The following NLK variants were observed in gnomAD, a reference collection of about 807,000 sequenced individuals.
NLK encodes the protein nemo like kinase.
In NLK, 11 loss-of-function variants were observed where a neutral mutation model predicts 59.0. The observed-to-expected ratio is 0.19, with a 90% CI of 0.12 to 0.31. NLK has a LOEUF of 0.31. NLK is among the 10% of genes least tolerant of loss of function. The pLI is 1.00. For synonymous variants in NLK, 235 were observed against 235.9 expected (o/e 1.00, Z 0.03); for missense variants, 410 against 661.1 (o/e 0.62, Z 4.16).
intron 4 of NLK, among the ~76,000 whole-genome samples, chr17:28,162,064 A>ACAG (rs1200316881): frequency 6.6e-6 from 1 of 152,118 alleles, no homozygotes; most frequent in Non-Finnish European, 1.5e-5. Context: ...CGCCTAGGCT[A>ACAG]GAGTGCAGTG....
chr17:28,151,114 G>C (rs1907462721), intron 3 of NLK, among the ~76,000 whole-genome samples: 1 of 152,152 alleles, frequency 6.6e-6, no homozygotes, highest in Non-Finnish European at 1.5e-5. Flanking sequence ...GCACCTCTGA[G>C]TCCCTGTCAA....
At chr17:28,080,041 A>G (rs913658874) in intron 1 of NLK, among the ~76,000 whole-genome samples, 8 of 152,134 alleles carry the variant, frequency 5.3e-5, no homozygotes, top group Non-Finnish European at 1.0e-4. Context: ...GTGGCTATCT[A>G]GTTTCCCCAA....
At chr17:28,137,604 TGTAAA>T (rs1250324513) in intron 3 of NLK, among the ~76,000 whole-genome samples, 4 of 152,160 alleles carry the variant, frequency 2.6e-5, no homozygotes, top group South Asian at 2.1e-4. Flanking sequence ...TGTAATCAGA[TGTAAA>T]GTAAGAGTAT....
intron 1 of NLK, among the ~76,000 whole-genome samples, chr17:28,064,188 T>TTC (rs1377234585): frequency 6.7e-6 from 1 of 150,070 alleles, no homozygotes; most frequent in Non-Finnish European, 1.5e-5. Flanking sequence ...TTTTTTTTTT[T>TTC]TTTTTTTTTT....
At chr17:28,070,190 C>T (rs1285725417) in intron 1 of NLK, among the ~76,000 whole-genome samples, 3 of 151,346 alleles carry the variant, frequency 2.0e-5, no homozygotes, top group Non-Finnish European at 4.4e-5. Context: ...GAGCCAAGAT[C>T]GCACCACCGC....
At chr17:28,116,712 C>T (rs1346368341) in intron 1 of NLK, among the ~76,000 whole-genome samples, 1 of 152,114 alleles carries the variant, frequency 6.6e-6, no homozygotes, top group Admixed American at 6.6e-5. Context: ...TGTTTTCTAT[C>T]CTTATAAACC....
At chr17:28,071,581 G>A (rs183033272) in intron 1 of NLK, among the ~76,000 whole-genome samples, 6 of 152,096 alleles carry the variant, frequency 3.9e-5, no homozygotes, top group East Asian at 1.9e-4. Flanking sequence ...AATATTTTTC[G>A]ATGCCATTGG....
At chr17:28,166,653 T>C (rs900475560) in intron 5 of NLK, among the ~76,000 whole-genome samples, 2 of 152,238 alleles carry the variant, frequency 1.3e-5, no homozygotes, top group African/African-American at 2.4e-5. Context: ...TCAGTGCTCC[T>C]AGTTGTGTTT....
At chr17:28,133,870 G>C (rs1906623598) in intron 3 of NLK, among the ~76,000 whole-genome samples, 1 of 152,044 alleles carries the variant, frequency 6.6e-6, no homozygotes, top group South Asian at 2.1e-4. Flanking sequence ...ATATGAGATT[G>C]TTATCTTTGA....
intron 1 of NLK, among the ~76,000 whole-genome samples, chr17:28,085,054 A>G (rs1481343488): frequency 1.3e-4 from 20 of 152,250 alleles, no homozygotes. Context: ...GGTTGGTCAT[A>G]AAAACTGTAT....
intron 3 of NLK, among the ~76,000 whole-genome samples, chr17:28,135,801 A>T (rs1209168410): frequency 6.6e-6 from 1 of 152,240 alleles, no homozygotes; most frequent in Non-Finnish European, 1.5e-5. Context: ...GTTCAGGCAC[A>T]TATTGTTTAT....
the NLK span, among the ~76,000 whole-genome samples, chr17:28,205,356 A>G: frequency 6.6e-6 from 1 of 152,206 alleles, no homozygotes; most frequent in East Asian, 1.9e-4. Flanking sequence ...AACAGTGGAC[A>G]GTGTGGATCA....
chr17:28,161,788 T>C (rs35978697), intron 4 of NLK, among the ~76,000 whole-genome samples: 353 of 152,234 alleles, frequency 2.3e-3, no homozygotes, highest in Admixed American at 4.1e-3. Flanking sequence ...AGACAGCTCA[T>C]TAAAGAGCAC....
At chr17:28,185,554 G>T (rs1203379120) in intron 8 of NLK, among the ~76,000 whole-genome samples, 1 of 152,026 alleles carries the variant, frequency 6.6e-6, no homozygotes, top group Admixed American at 6.6e-5. Context: ...AAGACAAAAT[G>T]ATTTTTTGTT....
intron 3 of NLK, among the ~76,000 whole-genome samples, chr17:28,147,867 G>T (rs928452587): frequency 2.6e-5 from 4 of 152,084 alleles, no homozygotes; most frequent in Non-Finnish European, 5.9e-5. Context: ...GCTGACACTG[G>T]TTGCATTATT....
At position 28,122,742 on chromosome 17, in the gene NLK, A is replaced by G; in HGVS notation, c.588+10A>G. 1.2e-6 allele frequency: 2 copies of G among 1,613,656 alleles called. No individual in the cohort carries two copies. Among genetic ancestry groups the G allele is most frequent in the Non-Finnish European group, 1.7e-6 (2 of 1,179,668 alleles). ...TTTTAAGCATGATAATGTAAGTGAA[A>G]TTGGTATTTGGGGGAAACTATTTCC... On this transcript the variant is annotated intron_variant, in intron 2 of 10. Transcript: ENST00000407008.
intron 1 of NLK, among the ~76,000 whole-genome samples, chr17:28,121,037 AT>A (rs1906024363): frequency 6.6e-6 from 1 of 152,180 alleles, no homozygotes; most frequent in African/African-American, 2.4e-5. Context: ...CTAAACTTTA[AT>A]TAATAACTTA....
chr17:28,161,710 G>C (rs553407600), intron 4 of NLK, among the ~76,000 whole-genome samples: 2 of 152,300 alleles, frequency 1.3e-5, no homozygotes, highest in Middle Eastern at 6.8e-3. Context: ...GCCAACTCCA[G>C]AGAAACAAAA....
intron 1 of NLK, among the ~76,000 whole-genome samples, chr17:28,102,730 G>A (rs1221637350): frequency 6.6e-5 from 10 of 152,068 alleles, no homozygotes; most frequent in Admixed American, 6.5e-4. Context: ...TGAGGGATGT[G>A]ATGAGGTTGC....
Sources: gnomAD v4.1 joint callset for allele counts (sites outside exome capture counted in the v4.1 genomes callset) on GRCh38, gnomAD v4.1.1 for gene constraint, MANE v1.5 for transcripts, NCBI Gene and HGNC (gene_info 2026-07-23, HGNC 2026-07-21) for gene names.